ZNF200: variants seen among roughly 807,000 people sequenced by gnomAD.
The protein encoded by ZNF200 is zinc finger protein 200.
A neutral mutation model predicts 33.6 loss-of-function variants in ZNF200; 35 were observed. That is an observed-to-expected ratio of 1.04 (90% confidence interval 0.80 to 1.38). The LOEUF is 1.38. Ranked by LOEUF, ZNF200 falls within the 40% of genes most tolerant of loss-of-function variation. The pLI, the probability that ZNF200 is intolerant of heterozygous loss-of-function variation, is 0.00. For synonymous variants in ZNF200, 209 were observed against 167.7 expected (o/e 1.25, Z -1.90); for missense variants, 592 against 470.6 (o/e 1.26, Z -2.39).
chr16:3,230,849 C>G (rs1415201415), intron 4 of ZNF200, among the ~76,000 whole-genome samples: 1 of 152,202 alleles, frequency 6.6e-6, no homozygotes, highest in Non-Finnish European at 1.5e-5. Context: ...ATCAATTCCA[C>G]CTTCTTCACT....
chr16:3,225,160 T>C (rs1183577317), intron 4 of ZNF200: 1 of 152,524 alleles, frequency 6.6e-6, no homozygotes, highest in African/African-American at 2.4e-5. Flanking sequence ...AAAAGTTTAT[T>C]ATTGGCCAGG....
Position 3,233,559 on chromosome 16 carries a change from A to G in ZNF200, c.197T>C (p.Val66Ala). 1 of 1,601,404 alleles carries G rather than the reference A, an allele frequency of 6.2e-7. No homozygotes were observed. Among genetic ancestry groups the G allele is most frequent in the Non-Finnish European group, 8.5e-7 (1 of 1,174,386 alleles). Residue 66 changes from valine (V) to alanine (A), a missense_variant, in exon 2 of 5, where the codon GTC becomes GCC. By Grantham distance (64) the Val-to-Ala change is moderately conservative (BLOSUM62 0). Coordinates refer to ENST00000414144, the MANE Select transcript of ZNF200 (RefSeq NM_198088.3). ...KPSLVQPSQK[V>A]KETLVIMKDV... ...TTTCATAATAACCAAGGTCTCCTTG[A>G]CTTTCTGACTGGGCTGGACCAGGCT...
Position 3,224,256 on chromosome 16 carries a change from G to C in ZNF200, c.824C>G (p.Thr275Ser), listed in dbSNP as rs184396792. 11 of 1,614,020 alleles carry C rather than the reference G, an allele frequency of 6.8e-6. No homozygotes were observed. The highest frequency in any genetic ancestry group is 1.6e-4 in the Middle Eastern group (1 of 6,084). ...SYLISHQRTH[T>S]GEKPYDCNHC... is the part of the protein sequence containing the mutation. ...ATTACAGTCATAGGGTTTTTCTCCAGTGTGGGTCCTCTGGTGGGAAATGAG... is the reference window on the plus strand; with the variant it reads ...ATTACAGTCATAGGGTTTTTCTCCACTGTGGGTCCTCTGGTGGGAAATGAG... The change falls in exon 5 of 5, where the codon ACT becomes AGT. Residue 275 changes from threonine (T) to serine (S), a missense_variant. By Grantham distance (58) the Thr-to-Ser change is moderately conservative. Coordinates refer to ENST00000414144, the MANE Select transcript of ZNF200 (RefSeq NM_198088.3).
At chr16:3,234,925 G>C (rs888637769) in intron 1 of ZNF200, 62 bp downstream of exon 1, 7 of 152,318 alleles carry the variant, frequency 4.6e-5, no homozygotes, top group African/African-American at 1.7e-4. Context: ...CCTCAGCAAC[G>C]GACACGCTCC....
chr16:3,225,010 A>G (rs1958431138), intron 4 of ZNF200: 1 of 171,120 alleles, frequency 5.8e-6, no homozygotes, highest in South Asian at 1.6e-4. Context: ...ACTGAATAGT[A>G]AGACGAACCA....
chr16:3,226,577 C>G (rs1488035297), intron 4 of ZNF200: 1 of 152,156 alleles, frequency 6.6e-6, no homozygotes, highest in African/African-American at 2.4e-5. Flanking sequence ...AAATAATCTA[C>G]TGGGTTAAGG....
intron 4 of ZNF200, chr16:3,226,547 CT>C (rs1359336604): frequency 1.3e-5 from 2 of 152,106 alleles, no homozygotes; most frequent in Non-Finnish European, 2.9e-5. Context: ...TGTAGTTTTA[CT>C]TTGGATTTTC....
Position 3,222,839 on chromosome 16 carries a change from CTT to C in ZNF200, c.*1051_*1052del, listed in dbSNP as rs1294413257. 2 of 152,208 alleles carry C rather than the reference CTT, an allele frequency of 1.3e-5. No homozygotes were observed. The allele number at this position is 152,208 out of a possible 1,614,324, so 9.4% of individuals were successfully genotyped here. On this transcript the variant is annotated 3_prime_UTR_variant, in exon 5 of 5. Transcript: ENST00000414144. Reference sequence around the variant, plus strand: ...AATGAAGACACCTGGAAACCTGTCTCTTGAGAGGCAATGTGAGCTAACCACTG... The same window carrying C: ...AATGAAGACACCTGGAAACCTGTCTCGAGAGGCAATGTGAGCTAACCACTG...
chr16:3,225,747 C>A (rs79191355), intron 4 of ZNF200: 9 of 151,918 alleles, frequency 5.9e-5, no homozygotes, highest in African/African-American at 2.2e-4. Flanking sequence ...TGAAAAAGAA[C>A]CATGCTGTGG....
intron 1 of ZNF200, chr16:3,234,247 A>T (rs1209978451): frequency 6.5e-6 from 1 of 152,930 alleles, no homozygotes; most frequent in Non-Finnish European, 1.5e-5. Flanking sequence ...CTCCATAAAA[A>T]AAAAAAAAAT....
In ZNF200 at chr16:3,223,830, A is replaced by C; in HGVS notation, c.*62T>G. The C allele has an allele frequency of 6.6e-7, 1 of 1,520,510 alleles. No homozygotes were observed. The highest frequency in any genetic ancestry group is 8.8e-7 in the Non-Finnish European group (1 of 1,138,974). 94.2% of individuals were successfully genotyped at this position (1,520,510 alleles called of 1,614,324 possible). ...CTTTTTAGGCAGCTTGGGAATTCAG[A>C]ACTACTTATGAAAGCTCTCAGGTTG... On this transcript the variant is annotated 3_prime_UTR_variant, in exon 5 of 5. Coordinates refer to ENST00000414144, the MANE Select transcript of ZNF200 (RefSeq NM_198088.3).
In ZNF200 at chr16:3,232,839, G is replaced by A. The variant is rs1406980136; in HGVS notation, c.333C>T (p.Asn111=). The change falls in exon 3 of 5, where the codon AAC becomes AAT. Residue 111 remains asparagine (N), a synonymous_variant. Transcript: ENST00000414144. ...QETVSLYLKA[N]PEELVVFEDL... is the part of the protein sequence containing the mutation. ...ATGGGAAAACCAAACCCACCTCAGG[G>A]TTAGCTTTCAAATACAGAGACACTG... 1 of 1,613,812 alleles carries A rather than the reference G, an allele frequency of 6.2e-7. No individual in the cohort carries two copies. The highest frequency in any genetic ancestry group is 1.1e-5 in the South Asian group (1 of 91,080).
chr16:3,233,349 C>T (rs189107497), intron 2 of ZNF200, among the ~76,000 whole-genome samples, 157 bp downstream of exon 2: 6 of 152,324 alleles, frequency 3.9e-5, no homozygotes, highest in East Asian at 3.9e-4. Flanking sequence ...CTTACTCACA[C>T]CCAGCACTTG....
At position 3,223,696 on chromosome 16, in the gene ZNF200, T is replaced by C. The variant is rs1227884436; in HGVS notation, c.*196A>G. ...TCCAAAAAGCCTAGATGCTGAGGTA[T>C]AGCCCTTGAAATGTTTTCTTCCCTG... On this transcript the variant is annotated 3_prime_UTR_variant, in exon 5 of 5. Coordinates refer to ENST00000414144, the MANE Select transcript of ZNF200 (RefSeq NM_198088.3). The C allele has an allele frequency of 9.0e-6, 7 of 773,632 alleles. No homozygotes were observed. Among genetic ancestry groups the C allele is most frequent in the East Asian group, 8.2e-5 (3 of 36,404 alleles). The allele number at this position is 773,632 out of a possible 1,614,324, so 47.9% of individuals were successfully genotyped here. A position where few individuals can be genotyped will look rare whatever the true frequency, so the allele number is the denominator to read the frequency against.
intron 1 of ZNF200, chr16:3,234,536 T>A (rs886943545): frequency 3.3e-5 from 5 of 152,246 alleles, no homozygotes; most frequent in African/African-American, 1.2e-4. Context: ...TAAATCAGGC[T>A]TGGAGAAAGA....
rs564285809 is a variant in ZNF200 at position 3,223,644 on chromosome 16, A to G, written c.*248T>C. Reference sequence around the variant, plus strand: ...GGATCTGTGACCTGTACATTATCATATAACTTCAAAAAGGAAAGCTCCTTA... The same window carrying G: ...GGATCTGTGACCTGTACATTATCATGTAACTTCAAAAAGGAAAGCTCCTTA... On this transcript the variant is annotated 3_prime_UTR_variant, in exon 5 of 5. Coordinates refer to ENST00000414144, the MANE Select transcript of ZNF200 (RefSeq NM_198088.3). 1.0e-3 allele frequency: 458 copies of G among 456,756 alleles called. 10 individuals carry two copies. The South Asian group carries it at 0.015, about 15-fold the overall frequency. 28.3% of individuals were successfully genotyped at this position (456,756 alleles called of 1,614,324 possible).
chr16:3,228,744 C>A (rs919985104), intron 4 of ZNF200, among the ~76,000 whole-genome samples: 2 of 152,072 alleles, frequency 1.3e-5, no homozygotes, highest in African/African-American at 4.8e-5. Context: ...TCAGGTATCA[C>A]CCGCCTTTGC....
intron 3 of ZNF200, 89 bp downstream of exon 3, chr16:3,232,744 G>A (rs184402033): frequency 6.8e-7 from 1 of 1,471,174 alleles, no homozygotes; most frequent in Non-Finnish European, 9.3e-7. Context: ...ACCCAAGAAG[G>A]CCAACTCCTA....
chr16:3,231,467 A>G (rs2141639377), intron 4 of ZNF200, among the ~76,000 whole-genome samples: 1 of 152,330 alleles, frequency 6.6e-6, no homozygotes, highest in Admixed American at 6.5e-5. Context: ...CCTCAGAAAC[A>G]AAAAGCCCTG....
Sources: allele counts gnomAD v4.1 joint callset (sites outside exome capture counted in the v4.1 genomes callset), GRCh38; gene constraint gnomAD v4.1.1; transcripts MANE v1.5; gene names NCBI Gene and HGNC (gene_info 2026-07-23, HGNC 2026-07-21).